SMOC2: variants seen among roughly 807,000 people sequenced by gnomAD.
SMOC2 encodes the protein SPARC related modular calcium binding 2.
A neutral mutation model predicts 61.4 loss-of-function variants in SMOC2; 39 were observed. The observed-to-expected ratio is 0.64, with a 90% CI of 0.49 to 0.83. The LOEUF (loss-of-function observed/expected upper bound fraction) is 0.83. Among genes scored for constraint, SMOC2 ranks in the 40% least tolerant of loss-of-function variants. SMOC2 has a pLI of 0.00. For synonymous variants in SMOC2, 247 were observed against 239.9 expected, an observed-to-expected ratio of 1.03 and a Z score of -0.27; for missense variants, 556 against 592.9, an observed-to-expected ratio of 0.94 and a Z score of 0.65.
chr6:168,615,958 C>T (rs1057382026), intron 9 of SMOC2, among the ~76,000 whole-genome samples: 3 of 152,168 alleles, frequency 2.0e-5, no homozygotes, highest in African/African-American at 7.2e-5. Context: ...CTAAGTGGAG[C>T]TTAGGACATT....
At chr6:168,547,037 C>A (rs1442904723) in intron 5 of SMOC2, 82 bp from the exon 6 acceptor site, 1 of 1,551,320 alleles carries the variant, frequency 6.4e-7, no homozygotes, top group South Asian at 1.1e-5. Flanking sequence ...TGCAAGTCCT[C>A]AGCATCCACC....
chr6:168,490,003 T>A (rs1202527774), intron 1 of SMOC2, among the ~76,000 whole-genome samples: 1 of 151,792 alleles, frequency 6.6e-6, no homozygotes, highest in Non-Finnish European at 1.5e-5. Context: ...ATCATCTGGG[T>A]CCCCTTGGAT....
At chr6:168,599,198 A>ACACACACACACTCATACC (rs1554247617) in intron 8 of SMOC2, among the ~76,000 whole-genome samples, 194 bp downstream of exon 8, 2 of 127,864 alleles carry the variant, frequency 1.6e-5, no homozygotes, top group East Asian at 5.0e-4. Context: ...CACTCATACC[A>ACACACACACACTCATACC]CACACACACT....
At chr6:168,474,474 T>C (rs1782034501) in intron 1 of SMOC2, among the ~76,000 whole-genome samples, 1 of 152,166 alleles carries the variant, frequency 6.6e-6, no homozygotes. Flanking sequence ...CTGAGCTCTC[T>C]CTGCTGGTGT....
chr6:168,632,254 G>A (rs533328404), intron 9 of SMOC2, among the ~76,000 whole-genome samples: 2 of 152,226 alleles, frequency 1.3e-5, no homozygotes, highest in African/African-American at 4.8e-5. Context: ...CCATCTCAAC[G>A]GCTGGGGCTT....
At chr6:168,579,998 A>T (rs1044773820) in intron 7 of SMOC2, among the ~76,000 whole-genome samples, 4 of 152,076 alleles carry the variant, frequency 2.6e-5, no homozygotes, top group African/African-American at 4.8e-5. Flanking sequence ...GAGAGGTAGG[A>T]GGTTAGTGTG....
chr6:168,605,181 G>A lies in SMOC2; in HGVS notation c.825-2976G>A, dbSNP rs183428028. 2.0e-4 allele frequency among the ~76,000 whole-genome samples: 31 copies of A among 152,304 alleles called. 1 individual carries two copies. In the East Asian group the frequency reaches 6.0e-3, roughly 30 times the overall value. ...AGGCTGATGAAGCCTTTGTCTGTCT[G>A]CCATCCAACTGCTGGCTGTTCCTAC... On this transcript the variant is annotated intron_variant, in intron 8 of 12. Transcript: ENST00000356284.
At chr6:168,516,125 A>T in intron 2 of SMOC2, among the ~76,000 whole-genome samples, 1 of 152,282 alleles carries the variant, frequency 6.6e-6, no homozygotes, top group African/African-American at 2.4e-5. Context: ...TTTGGAAACA[A>T]TTCAAATAGT....
chr6:168,613,243 G>C (rs1785935050), intron 9 of SMOC2, among the ~76,000 whole-genome samples: 1 of 152,194 alleles, frequency 6.6e-6, no homozygotes, highest in Admixed American at 6.5e-5. Flanking sequence ...GGAAGGTGCA[G>C]GGGAAGTCTG....
intron 2 of SMOC2, among the ~76,000 whole-genome samples, chr6:168,523,563 T>TA (rs1259618804): frequency 1.2e-4 from 18 of 145,724 alleles, no homozygotes; most frequent in South Asian, 8.9e-4. Context: ...AATTTTTTTT[T>TA]TTATTATTTT....
chr6:168,622,922 T>G (rs959680588), intron 9 of SMOC2, among the ~76,000 whole-genome samples: 7 of 152,292 alleles, frequency 4.6e-5, no homozygotes, highest in Non-Finnish European at 7.4e-5. Context: ...GAAAGCCGGA[T>G]GTACTCGGGC....
At chr6:168,551,564 C>T (rs1458424334) in intron 7 of SMOC2, among the ~76,000 whole-genome samples, 1 of 152,068 alleles carries the variant, frequency 6.6e-6, no homozygotes, top group Non-Finnish European at 1.5e-5. Context: ...AGCGATTCTC[C>T]TGCCTCAGCC....
intron 1 of SMOC2, among the ~76,000 whole-genome samples, chr6:168,482,871 A>C (rs1259030267): frequency 6.6e-6 from 1 of 152,100 alleles, no homozygotes; most frequent in African/African-American, 2.4e-5. Context: ...AAAAACTCTC[A>C]ATAAACTCAG....
At position 168,598,774 on chromosome 6, in the gene SMOC2, C is replaced by T. The variant is rs375564746; in HGVS notation, c.638-44C>T. 1.2e-5 allele frequency: 19 copies of T among 1,602,286 alleles called. No homozygotes were observed. In the Admixed American group the frequency reaches 2.3e-4, roughly 20 times the overall value. ...CCCAAGAGCTCTGCATGTGGGACGA[C>T]GTCGCTGGATCCTGCTCACCTTTTG... On this transcript the variant is annotated intron_variant, in intron 7 of 12. Coordinates refer to ENST00000356284, the MANE Select transcript of SMOC2 (RefSeq NM_001166412.2).
intron 4 of SMOC2, among the ~76,000 whole-genome samples, chr6:168,528,434 G>A (rs903334385): frequency 6.6e-6 from 1 of 152,144 alleles, no homozygotes; most frequent in African/African-American, 2.4e-5. Flanking sequence ...TATTAAGATA[G>A]TCAAAACACA....
chr6:168,642,642 G>T (rs1786921731), intron 9 of SMOC2, among the ~76,000 whole-genome samples: 2 of 152,204 alleles, frequency 1.3e-5, no homozygotes, highest in African/African-American at 4.8e-5. Context: ...GGCCCTGCAG[G>T]TCTAAGGCCA....
At chr6:168,515,166 A>T (rs2115057953) in intron 2 of SMOC2, among the ~76,000 whole-genome samples, 2 of 152,358 alleles carry the variant, frequency 1.3e-5, no homozygotes, top group Non-Finnish European at 2.9e-5. Flanking sequence ...TTATACCATA[A>T]ATTATGACAC....
chr6:168,554,068 T>C (rs1191396132), intron 7 of SMOC2, among the ~76,000 whole-genome samples: 1 of 151,206 alleles, frequency 6.6e-6, no homozygotes, highest in African/African-American at 2.5e-5. Flanking sequence ...TATCAGCTTT[T>C]TTCACATTTT....
chr6:168,612,562 G>C, intron 9 of SMOC2, among the ~76,000 whole-genome samples: 1 of 150,364 alleles, frequency 6.7e-6, no homozygotes, highest in Non-Finnish European at 1.5e-5. Flanking sequence ...CGCTGGGTTC[G>C]TGATCTCCAT....
Sources: gnomAD v4.1 joint callset for allele counts (sites outside exome capture counted in the v4.1 genomes callset) on GRCh38, gnomAD v4.1.1 for gene constraint, MANE v1.5 for transcripts, NCBI Gene and HGNC (gene_info 2026-07-23, HGNC 2026-07-21) for gene names.